ZPLD1: variants seen among roughly 807,000 people sequenced by gnomAD.
ZPLD1 encodes zona pellucida-like domain-containing protein 1.
In ZPLD1, 34 loss-of-function variants were observed where a neutral mutation model predicts 47.2. The observed-to-expected ratio is 0.72, with a 90% CI of 0.55 to 0.96. The LOEUF (loss-of-function observed/expected upper bound fraction) is 0.96, where lower values mean the gene tolerates loss of function less well. Among genes scored for constraint, ZPLD1 ranks in the 40% least tolerant of loss-of-function variants. ZPLD1 has a pLI of 0.00. For synonymous variants in ZPLD1, 176 were observed against 186.2 expected (o/e 0.95, Z 0.45); for missense variants, 512 against 505.8 (o/e 1.01, Z -0.12).
intron 4 of ZPLD1, 147 bp from the exon 5 acceptor site, chr3:102,456,045 CT>C: frequency 1.8e-6 from 1 of 544,732 alleles, no homozygotes; most frequent in Non-Finnish European, 3.0e-6. Flanking sequence ...GCATTTCTCA[CT>C]TATAAACTTG....
intron 6 of ZPLD1, among the ~76,000 whole-genome samples, chr3:102,389,098 A>G (rs1312164970): frequency 1.3e-5 from 2 of 152,174 alleles, no homozygotes; most frequent in African/African-American, 4.8e-5. Flanking sequence ...GATGTGGATA[A>G]TGTTTGCACA....
chr3:102,445,087 C>T (rs1022779023), intron 3 of ZPLD1, among the ~76,000 whole-genome samples: 4 of 152,148 alleles, frequency 2.6e-5, no homozygotes, highest in East Asian at 1.9e-4. Context: ...AACACTGCCC[C>T]GCTTGGTGTA....
At chr3:102,438,408 C>A in intron 2 of ZPLD1, 72 bp from the exon 3 acceptor site, 1 of 1,086,544 alleles carries the variant, frequency 9.2e-7, no homozygotes, top group African/African-American at 1.5e-5. Flanking sequence ...TGAGATCAGC[C>A]TCAGTTTTTC....
chr3:102,395,432 G>A (rs954454386), intron 7 of ZPLD1, among the ~76,000 whole-genome samples: 11 of 152,118 alleles, frequency 7.2e-5, no homozygotes, highest in African/African-American at 2.4e-4. Context: ...AAGACGAAGA[G>A]GTTGGAGTTA....
intron 6 of ZPLD1, among the ~76,000 whole-genome samples, chr3:102,459,849 A>T (rs1295090326): frequency 1.3e-5 from 2 of 152,112 alleles, no homozygotes; most frequent in Non-Finnish European, 2.9e-5. Context: ...ATACATTATT[A>T]ACCAAAGTCC....
intron 8 of ZPLD1, among the ~76,000 whole-genome samples, chr3:102,421,917 T>G (rs1489358963): frequency 6.6e-6 from 1 of 152,052 alleles, no homozygotes; most frequent in Admixed American, 6.6e-5. Context: ...TCCCATTTTC[T>G]TTTGTATTAA....
chr3:102,456,233 C>T lies in ZPLD1; in HGVS notation c.368C>T (p.Thr123Ile). The stretch of plus-strand genomic sequence containing the variant: ...GGAGTCAGTGCTTATGGAAATGCAA[C>T]TTCAGTGCAAGTAGGAAATATTTCA... ...IPGVSAYGNATSVQVGNISGY... is the reference protein window; with the variant it reads ...IPGVSAYGNAISVQVGNISGY... The change falls in exon 5 of 12, where the codon ACT becomes ATT. Residue 123 changes from threonine to isoleucine, a missense_variant. By Grantham distance (89) the Thr-to-Ile change is moderately conservative. Transcript: ENST00000466937. 1 of 1,613,246 alleles carries T rather than the reference C, an allele frequency of 6.2e-7. No homozygotes were observed. The highest frequency in any genetic ancestry group is 2.2e-5 in the East Asian group (1 of 44,812).
intron 8 of ZPLD1, among the ~76,000 whole-genome samples, chr3:102,422,673 G>C (rs371061703): frequency 6.6e-6 from 1 of 152,022 alleles, no homozygotes; most frequent in South Asian, 2.1e-4. Flanking sequence ...CTTGGGAAGA[G>C]CTGCTTTATA....
intron 10 of ZPLD1, among the ~76,000 whole-genome samples, chr3:102,472,301 G>A (rs1053079407): frequency 6.6e-6 from 1 of 152,170 alleles, no homozygotes; most frequent in Non-Finnish European, 1.5e-5. Flanking sequence ...GGAGGCTGAG[G>A]GGGGTGGATA....
Position 102,423,908 on chromosome 3 carries a change from A to G in ZPLD1, c.-9+5701A>G, listed in dbSNP as rs1003419236. Among the ~76,000 whole-genome samples, 3 of 151,940 alleles carry G rather than the reference A, an allele frequency of 2.0e-5. No homozygotes were observed. In the East Asian group the frequency reaches 5.8e-4, roughly 29 times the overall value. ...TTGCTTTTCCTGTAGCCCATTCTCT[A>G]CTCTTCAGCTGTAGATCACATACTC... On this transcript the variant is annotated intron_variant, in intron 8 of 17. Coordinates refer to the ZPLD1 transcript ENST00000491959.
intron 10 of ZPLD1, among the ~76,000 whole-genome samples, chr3:102,476,610 A>G (rs191068483): frequency 2.0e-5 from 3 of 152,302 alleles, no homozygotes; most frequent in African/African-American, 7.2e-5. Flanking sequence ...GTATAACAGA[A>G]TAACAAATAG....
At chr3:102,419,328 T>A (rs1278284750) in intron 8 of ZPLD1, among the ~76,000 whole-genome samples, 3 of 151,928 alleles carry the variant, frequency 2.0e-5, no homozygotes, top group African/African-American at 7.2e-5. Flanking sequence ...CTATGTAAGT[T>A]TTTATTTTTC....
chr3:102,450,950 T>C (rs1030345246), intron 3 of ZPLD1, among the ~76,000 whole-genome samples: 5 of 152,238 alleles, frequency 3.3e-5, no homozygotes, highest in Admixed American at 2.6e-4. Flanking sequence ...TAGTGTTTAT[T>C]ATTTTCTAGG....
chr3:102,429,785 G>C (rs1269757230), intron 8 of ZPLD1, among the ~76,000 whole-genome samples: 3 of 152,126 alleles, frequency 2.0e-5, no homozygotes, highest in Non-Finnish European at 2.9e-5. Flanking sequence ...TAGATAGATA[G>C]ATGTACATAT....
chr3:102,429,115 T>C (rs1291227046), intron 8 of ZPLD1, among the ~76,000 whole-genome samples: 2 of 152,122 alleles, frequency 1.3e-5, no homozygotes, highest in East Asian at 3.8e-4. Flanking sequence ...CATAATCCTA[T>C]TTATAGTCTA....
chr3:102,477,523 A>G lies in ZPLD1; in HGVS notation c.1153A>G (p.Ser385Gly), dbSNP rs144706422. The G allele has an allele frequency of 1.1e-3, 1,792 of 1,613,806 alleles. 1 individual carries two copies. Among genetic ancestry groups the G allele is most frequent in the Non-Finnish European group, 1.1e-3 (1,290 of 1,179,768 alleles). Residue 385 changes from serine (S) to glycine (G), a missense_variant, in exon 12 of 12, where the codon AGC becomes GGC. Ser to Gly is a moderately conservative substitution (Grantham distance 56, BLOSUM62 0). Coordinates refer to ENST00000466937, the MANE Select transcript of ZPLD1 (RefSeq NM_001329788.2). ...AGGAATGGTCATTCTGGGAGTTACGAGCTTTTCTCTTCTTCTGTGCTCACT... is the reference window on the plus strand; with the variant it reads ...AGGAATGGTCATTCTGGGAGTTACGGGCTTTTCTCTTCTTCTGTGCTCACT... ...ISGMVILGVTSFSLLLCSLAL... is the reference protein window; with the variant it reads ...ISGMVILGVTGFSLLLCSLAL...
At position 102,477,666 on chromosome 3, in the gene ZPLD1, T is replaced by A. The variant is rs144244933; in HGVS notation, c.*48T>A. ...GGAGAAGGCTTCACTGACTAAACTA[T>A]GTGTGACTGCAGTCAGTGTTCCGTC... On this transcript the variant is annotated 3_prime_UTR_variant, in exon 12 of 12. Coordinates refer to ENST00000466937, the MANE Select transcript of ZPLD1 (RefSeq NM_001329788.2). 1 of 1,498,228 alleles carries A rather than the reference T, an allele frequency of 6.7e-7. No homozygotes were observed. The highest frequency in any genetic ancestry group is 1.4e-5 in the African/African-American group (1 of 70,772). 92.8% of individuals were successfully genotyped at this position (1,498,228 alleles called of 1,614,324 possible).
intron 8 of ZPLD1, among the ~76,000 whole-genome samples, chr3:102,419,322 G>C (rs1056669869): frequency 1.3e-5 from 2 of 151,678 alleles, no homozygotes; most frequent in African/African-American, 2.4e-5. Flanking sequence ...GTTTCCCTAT[G>C]TAAGTTTTTA....
intron 3 of ZPLD1, among the ~76,000 whole-genome samples, chr3:102,443,386 A>G (rs1354146926): frequency 6.6e-6 from 1 of 152,226 alleles, no homozygotes; most frequent in Non-Finnish European, 1.5e-5. Context: ...CCCCCTTTAC[A>G]GTAGGAAAAC....
Sources: gnomAD v4.1 joint callset for allele counts (sites outside exome capture counted in the v4.1 genomes callset) on GRCh38, gnomAD v4.1.1 for gene constraint, MANE v1.5 for transcripts, NCBI Gene and HGNC (gene_info 2026-07-23, HGNC 2026-07-21) for gene names.